The following IQCJ variants were observed in gnomAD, a reference collection of about 807,000 sequenced individuals.
IQCJ encodes the protein IQ motif containing J.
A neutral mutation model predicts 11.0 loss-of-function variants in IQCJ; 9 were observed. That is an observed-to-expected ratio of 0.82 (90% CI 0.49 to 1.43). The LOEUF (loss-of-function observed/expected upper bound fraction) is 1.43, where lower values mean the gene tolerates loss of function less well. Ranked by LOEUF, IQCJ falls within the 40% of genes most tolerant of loss-of-function variation. The pLI, the probability that IQCJ is intolerant of heterozygous loss-of-function variation, is 0.00. For missense variants in IQCJ, 146 were observed against 133.2 expected, an observed-to-expected ratio of 1.10 and a Z score of -0.47; for synonymous variants, 55 against 51.3, an observed-to-expected ratio of 1.07 and a Z score of -0.31.
intron 1 of IQCJ, among the ~76,000 whole-genome samples, chr3:159,080,185 G>A (rs1299068076): frequency 2.6e-5 from 4 of 151,998 alleles, no homozygotes; most frequent in Non-Finnish European, 5.9e-5. Context: ...TTAGGAGCTT[G>A]GTAATCATGA....
intron 1 of IQCJ, among the ~76,000 whole-genome samples, chr3:159,189,170 AACT>A (rs900077609): frequency 2.8e-4 from 43 of 152,248 alleles, no homozygotes; most frequent in African/African-American, 9.6e-4. Context: ...TGGGAGGGAA[AACT>A]ACTAGCCAAA....
chr3:159,091,643 T>C (rs1717290852), intron 1 of IQCJ, among the ~76,000 whole-genome samples: 1 of 133,172 alleles, frequency 7.5e-6, no homozygotes, highest in Non-Finnish European at 1.6e-5. Context: ...CCTAAAGGGG[T>C]ATTTACACAC....
At chr3:159,211,203 C>T (rs986504177) in intron 1 of IQCJ, among the ~76,000 whole-genome samples, 3 of 152,050 alleles carry the variant, frequency 2.0e-5, no homozygotes, top group Admixed American at 1.3e-4. Flanking sequence ...AAAAAATGAT[C>T]GTTTCTGGGT....
chr3:159,182,542 A>C (rs1723150148), intron 1 of IQCJ, among the ~76,000 whole-genome samples: 1 of 151,960 alleles, frequency 6.6e-6, no homozygotes, highest in South Asian at 2.1e-4. Flanking sequence ...CTCCTGTCTC[A>C]AGGGCCGAGC....
chr3:159,076,826 T>C lies in IQCJ; in HGVS notation c.9+7385T>C, dbSNP rs529592878. On this transcript the variant is annotated intron_variant, in intron 1 of 3. Coordinates refer to ENST00000397832, the MANE Select transcript of IQCJ (RefSeq NM_001042706.3). ...AACTTCCTAGGCTCAAATCTGAGCA[T>C]TATCATTTATCAGCCGAGTGACCTT... Among the ~76,000 whole-genome samples the C allele has an allele frequency of 2.6e-5, 4 of 152,282 alleles. No individual in the cohort carries two copies. The South Asian group carries it at 8.3e-4, about 32-fold the overall frequency.
chr3:159,162,708 C>T (rs890588371), intron 1 of IQCJ, among the ~76,000 whole-genome samples: 1 of 152,012 alleles, frequency 6.6e-6, no homozygotes, highest in African/African-American at 2.4e-5. Context: ...AGAGAAGAAT[C>T]AAATAGACGC....
chr3:159,255,270 C>G (rs963507909), intron 3 of IQCJ, among the ~76,000 whole-genome samples: 2 of 152,184 alleles, frequency 1.3e-5, no homozygotes, highest in African/African-American at 2.4e-5. Context: ...CTCCTTTCCC[C>G]TCCATGATGA....
intron 1 of IQCJ, among the ~76,000 whole-genome samples, chr3:159,135,235 T>A (rs964450941): frequency 4.6e-5 from 7 of 152,224 alleles, no homozygotes; most frequent in African/African-American, 7.2e-5. Flanking sequence ...GTCCTATGCA[T>A]AACTCTGCTT....
At chr3:159,213,891 A>G (rs1450286796) in intron 1 of IQCJ, among the ~76,000 whole-genome samples, 1 of 151,732 alleles carries the variant, frequency 6.6e-6, no homozygotes, top group Non-Finnish European at 1.5e-5. Context: ...CTGTGACCCC[A>G]TTTTCTCCTC....
chr3:159,197,153 CAGGAAGGACCA>C (rs926034030), intron 1 of IQCJ, among the ~76,000 whole-genome samples: 53 of 152,142 alleles, frequency 3.5e-4, no homozygotes, highest in African/African-American at 1.2e-3. Context: ...TATGAGCTGA[CAGGAAGGACCA>C]AGGCTTTTCT....
Position 159,252,958 on chromosome 3 carries a change from G to A in IQCJ, c.155+151G>A, listed in dbSNP as rs117931608. 5.3e-4 allele frequency among the ~76,000 whole-genome samples: 80 copies of A among 152,304 alleles called. No homozygotes were observed. The East Asian group carries it at 0.012, about 23-fold the overall frequency. On this transcript the variant is annotated intron_variant, in intron 3 of 3. Transcript: ENST00000397832. ...CCTCCCTCTTCTAAGCAGGAACACA[G>A]CTACTTTGGGTACACAGCACCATCT...
At chr3:159,187,535 G>T (rs1322994986) in intron 1 of IQCJ, among the ~76,000 whole-genome samples, 2 of 152,228 alleles carry the variant, frequency 1.3e-5, no homozygotes, top group Non-Finnish European at 2.9e-5. Context: ...TTCGCTCCTG[G>T]TGCACCATGC....
In IQCJ at chr3:159,084,309, T is replaced by C. The variant is rs139321410; in HGVS notation, c.9+14868T>C. Among the ~76,000 whole-genome samples the C allele has an allele frequency of 5.4e-3, 813 of 151,424 alleles. 4 individuals carry two copies. The highest frequency in any genetic ancestry group is 0.019 in the African/African-American group (770 of 41,244). ...AAAGAAGATAAATTCGGTTTGGAAA[T>C]GTTGAGTTTGAGAAGCTAGAAGTCT... On this transcript the variant is annotated intron_variant, in intron 1 of 3. Transcript: ENST00000397832.
chr3:159,154,614 G>A (rs758643867), intron 1 of IQCJ, among the ~76,000 whole-genome samples: 7 of 151,990 alleles, frequency 4.6e-5, no homozygotes, highest in Admixed American at 2.6e-4. Flanking sequence ...TCTACCTCTG[G>A]TCTAGAGGTT....
intron 1 of IQCJ, among the ~76,000 whole-genome samples, chr3:159,212,962 C>A (rs1360836658): frequency 1.3e-5 from 2 of 152,250 alleles, no homozygotes; most frequent in Admixed American, 6.5e-5. Flanking sequence ...TCTTTTCTTT[C>A]TTTCTTTTTT....
At chr3:159,168,893 G>A (rs1722325851) in intron 1 of IQCJ, among the ~76,000 whole-genome samples, 1 of 151,856 alleles carries the variant, frequency 6.6e-6, no homozygotes, top group South Asian at 2.1e-4. Context: ...CATGGGAATT[G>A]TTCTCTCTGT....
intron 3 of IQCJ, 67 bp downstream of exon 3, chr3:159,252,874 A>C (rs1206146866): frequency 1.3e-6 from 2 of 1,492,280 alleles, no homozygotes; most frequent in East Asian, 2.3e-5. Context: ...ATAAATCTGG[A>C]ATTTTCGGGC....
intron 1 of IQCJ, among the ~76,000 whole-genome samples, chr3:159,103,072 A>G (rs1718029064): frequency 6.6e-6 from 1 of 152,160 alleles, no homozygotes; most frequent in African/African-American, 2.4e-5. Flanking sequence ...ATTTATTTCT[A>G]CATAGGTCTG....
intron 1 of IQCJ, among the ~76,000 whole-genome samples, chr3:159,203,158 T>C (rs776409293): frequency 6.7e-6 from 1 of 150,142 alleles, no homozygotes; most frequent in Non-Finnish European, 1.5e-5. Context: ...ATTCAAGATG[T>C]AAGCTCCTGG....
Sources: gnomAD v4.1 joint callset for allele counts (sites outside exome capture counted in the v4.1 genomes callset) on GRCh38, gnomAD v4.1.1 for gene constraint, MANE v1.5 for transcripts, NCBI Gene and HGNC (gene_info 2026-07-23, HGNC 2026-07-21) for gene names.